DOK6: variants seen among roughly 807,000 people sequenced by gnomAD.
DOK6 encodes the protein docking protein 6.
DOK6 carries 22 observed loss-of-function variants against 44.0 expected under a neutral mutation model. That is an observed-to-expected ratio of 0.50 (90% CI 0.36 to 0.71). The LOEUF (loss-of-function observed/expected upper bound fraction) is 0.71, where lower values mean the gene tolerates loss of function less well. Among genes scored for constraint, DOK6 ranks in the 30% least tolerant of loss-of-function variants. DOK6 has a pLI of 0.00. For missense variants in DOK6, 340 were observed against 416.4 expected, an observed-to-expected ratio of 0.82 and a Z score of 1.60; for synonymous variants, 166 against 145.5, an observed-to-expected ratio of 1.14 and a Z score of -1.01.
At chr18:69,764,409 G>C (rs1422906232) in intron 7 of DOK6, among the ~76,000 whole-genome samples, 1 of 152,142 alleles carries the variant, frequency 6.6e-6, no homozygotes, top group Non-Finnish European at 1.5e-5. Context: ...CCCACATGTT[G>C]GGGGAGGGAC....
intron 7 of DOK6, among the ~76,000 whole-genome samples, chr18:69,836,039 G>T (rs1305990091): frequency 6.6e-6 from 1 of 152,176 alleles, no homozygotes; most frequent in African/African-American, 2.4e-5. Flanking sequence ...TGGTCATTCT[G>T]TGTCAGCAAC....
At chr18:69,428,465 T>A (rs189534777) in intron 1 of DOK6, among the ~76,000 whole-genome samples, 53 of 152,112 alleles carry the variant, frequency 3.5e-4, no homozygotes, top group African/African-American at 1.1e-3. Flanking sequence ...TTCTTCTTTA[T>A]TATCTGAAAT....
intron 1 of DOK6, among the ~76,000 whole-genome samples, chr18:69,516,076 A>T (rs1294668126): frequency 6.6e-6 from 1 of 152,228 alleles, no homozygotes; most frequent in African/African-American, 2.4e-5. Context: ...AGTTTGTAAG[A>T]CATTTGCAAG....
At chr18:69,786,637 A>G (rs1266347942) in intron 7 of DOK6, among the ~76,000 whole-genome samples, 2 of 152,238 alleles carry the variant, frequency 1.3e-5, no homozygotes, top group Non-Finnish European at 2.9e-5. Flanking sequence ...CATACAATGT[A>G]TAGTTTCAAA....
intron 5 of DOK6, among the ~76,000 whole-genome samples, chr18:69,708,004 T>A (rs2144712310): frequency 6.6e-6 from 1 of 152,286 alleles, no homozygotes; most frequent in African/African-American, 2.4e-5. Flanking sequence ...AGAGCACGGA[T>A]GGTTCCTTCT....
chr18:69,755,244 C>T (rs1979316984), intron 6 of DOK6, among the ~76,000 whole-genome samples: 1 of 152,018 alleles, frequency 6.6e-6, no homozygotes, highest in East Asian at 1.9e-4. Flanking sequence ...ATTATATTTC[C>T]AGCAAACAAA....
At chr18:69,423,177 C>T (rs1978542730) in intron 1 of DOK6, among the ~76,000 whole-genome samples, 1 of 152,156 alleles carries the variant, frequency 6.6e-6, no homozygotes, top group African/African-American at 2.4e-5. Flanking sequence ...GTGGTGAACA[C>T]CTGTAGCCCA....
In DOK6 at chr18:69,845,651, T is replaced by C. The variant is rs1241583357; in HGVS notation, c.*4268T>C. The C allele has an allele frequency of 6.6e-6, 1 of 152,172 alleles. No individual in the cohort carries two copies. Among genetic ancestry groups the C allele is most frequent in the East Asian group, 1.9e-4 (1 of 5,202 alleles). The allele number at this position is 152,172 out of a possible 1,614,324, so 9.4% of individuals were successfully genotyped here. ...AAATGATAAAGAATACAATGAAATG[T>C]CCAGAGTAACACTTGGTCTCTACCT... On this transcript the variant is annotated 3_prime_UTR_variant, in exon 8 of 8. Transcript: ENST00000382713.
At chr18:69,742,354 C>T (rs1433289792) in intron 6 of DOK6, among the ~76,000 whole-genome samples, 2 of 147,756 alleles carry the variant, frequency 1.4e-5, no homozygotes, top group East Asian at 2.0e-4. Context: ...GCAGAGGTTG[C>T]AGTGAGCCGA....
chr18:69,737,298 C>A (rs1290938408), intron 5 of DOK6, among the ~76,000 whole-genome samples: 1 of 152,124 alleles, frequency 6.6e-6, no homozygotes, highest in African/African-American at 2.4e-5. Context: ...GAAGCAGGGA[C>A]CTTCTTCACA....
At chr18:69,817,122 G>A (rs1484775787) in intron 7 of DOK6, among the ~76,000 whole-genome samples, 2 of 152,086 alleles carry the variant, frequency 1.3e-5, no homozygotes, top group Non-Finnish European at 2.9e-5. Context: ...AGTTCCTCGA[G>A]TATGGAGCCC....
intron 4 of DOK6, among the ~76,000 whole-genome samples, chr18:69,697,245 G>C (rs1218419013): frequency 6.6e-6 from 1 of 152,070 alleles, no homozygotes; most frequent in Admixed American, 6.6e-5. Flanking sequence ...TTAAGATTAT[G>C]CTGTTATGAT....
intron 1 of DOK6, among the ~76,000 whole-genome samples, chr18:69,416,368 A>G (rs1386672650): frequency 3.3e-5 from 5 of 152,188 alleles, no homozygotes; most frequent in East Asian, 1.9e-4. Flanking sequence ...GTGTTTTTGC[A>G]TACAATTTAA....
chr18:69,724,197 T>C (rs1260880655), intron 5 of DOK6, among the ~76,000 whole-genome samples: 5 of 152,174 alleles, frequency 3.3e-5, no homozygotes, highest in Non-Finnish European at 7.4e-5. Context: ...ATTATATAAA[T>C]AAGATAATTT....
intron 5 of DOK6, among the ~76,000 whole-genome samples, chr18:69,715,004 A>G (rs531330064): frequency 6.6e-6 from 1 of 152,348 alleles, no homozygotes; most frequent in Admixed American, 6.5e-5. Flanking sequence ...TGAGACACTC[A>G]TTACCTAGGG....
intron 5 of DOK6, among the ~76,000 whole-genome samples, chr18:69,731,125 T>G (rs761195686): frequency 1.3e-5 from 2 of 152,152 alleles, no homozygotes; most frequent in Non-Finnish European, 2.9e-5. Flanking sequence ...TTATCAGTGA[T>G]CTGTCAACTG....
intron 5 of DOK6, among the ~76,000 whole-genome samples, chr18:69,727,485 A>C (rs936239258): frequency 2.6e-5 from 4 of 152,242 alleles, no homozygotes; most frequent in Non-Finnish European, 4.4e-5. Context: ...AAATATATTC[A>C]GTTCACTCCA....
chr18:69,644,072 G>A (rs140585302), intron 3 of DOK6, among the ~76,000 whole-genome samples: 4 of 152,050 alleles, frequency 2.6e-5, no homozygotes, highest in East Asian at 3.9e-4. Context: ...GTCTGTTCAC[G>A]TATTTTGCCC....
rs60831756 is a variant in DOK6, at chr18:69,734,393, CAAAAAAA to C, written c.600-4555_600-4549del. On this transcript the variant is annotated intron_variant, in intron 5 of 7. Transcript: ENST00000382713. ...AGAGTAACCAATCTTTTCATAGCAG[CAAAAAAA>C]AAAAAAAAAAAAAAAAGGAAAATTC... 3.9e-4 allele frequency among the ~76,000 whole-genome samples: 19 copies of C among 48,514 alleles called. 1 individual carries two copies. The highest frequency in any genetic ancestry group is 1.5e-3 in the Admixed American group (4 of 2,708). 31.8% of individuals were successfully genotyped at this position (48,514 alleles called of 152,430 possible).
Sources: allele counts gnomAD v4.1 joint callset (sites outside exome capture counted in the v4.1 genomes callset), GRCh38; gene constraint gnomAD v4.1.1; transcripts MANE v1.5; gene names NCBI Gene and HGNC (gene_info 2026-07-23, HGNC 2026-07-21).